POLD3: variants seen among roughly 807,000 people sequenced by gnomAD.
POLD3 encodes the protein DNA polymerase delta subunit 3.
A neutral mutation model predicts 58.2 loss-of-function variants in POLD3; 19 were observed. That is an observed-to-expected ratio of 0.33 (90% CI 0.23 to 0.48). The LOEUF is 0.48. Among genes scored for constraint, POLD3 ranks in the 20% least tolerant of loss-of-function variants. POLD3 has a pLI of 0.99. For missense variants in POLD3, 504 were observed against 545.5 expected (o/e 0.92, Z 0.76); for synonymous variants, 172 against 193.5 (o/e 0.89, Z 0.92).
intron 7 of POLD3, among the ~76,000 whole-genome samples, chr11:74,621,396 C>T (rs1413464149): frequency 6.7e-6 from 1 of 148,860 alleles, no homozygotes; most frequent in African/African-American, 2.4e-5. Context: ...GAAACCACCG[C>T]CCCCGACCCC....
chr11:74,623,203 G>T (rs2032319346), intron 7 of POLD3, among the ~76,000 whole-genome samples: 1 of 152,194 alleles, frequency 6.6e-6, no homozygotes, highest in African/African-American at 2.4e-5. Context: ...GGAGGCCGAG[G>T]CGGGCGGATC....
intron 4 of POLD3, among the ~76,000 whole-genome samples, chr11:74,649,589 G>C (rs889092601): frequency 2.0e-5 from 3 of 152,146 alleles, no homozygotes; most frequent in African/African-American, 7.2e-5. Flanking sequence ...CTAAAATACA[G>C]CAACAGCTAT....
intron 5 of POLD3, among the ~76,000 whole-genome samples, chr11:74,616,024 T>G (rs1428633166): frequency 2.6e-5 from 4 of 152,178 alleles, no homozygotes; most frequent in African/African-American, 9.7e-5. Flanking sequence ...AACACCCTGA[T>G]AAGTTTATTT....
chr11:74,609,022 C>T (rs914135690), intron 3 of POLD3, among the ~76,000 whole-genome samples: 40 of 151,466 alleles, frequency 2.6e-4, no homozygotes, highest in Non-Finnish European at 4.1e-4. Context: ...TTGGTGGTTC[C>T]GAACATTAAC....
chr11:74,597,522 G>T (rs375229831), intron 2 of POLD3, among the ~76,000 whole-genome samples: 17 of 152,138 alleles, frequency 1.1e-4, no homozygotes, highest in African/African-American at 3.4e-4. Flanking sequence ...ATGCAGTGGC[G>T]CAATTTTGGC....
intron 2 of POLD3, among the ~76,000 whole-genome samples, chr11:74,600,400 ATCC>A (rs1385733661): frequency 3.9e-5 from 6 of 152,146 alleles, no homozygotes; most frequent in Non-Finnish European, 8.8e-5. Flanking sequence ...GGCTCAAGCT[ATCC>A]TCCTGCTTCT....
intron 4 of POLD3, among the ~76,000 whole-genome samples, chr11:74,657,912 T>C (rs1415580061): frequency 6.6e-6 from 1 of 152,236 alleles, no homozygotes; most frequent in African/African-American, 2.4e-5. Context: ...AGATATACTA[T>C]TCTAGGGTAA....
At chr11:74,623,204 C>T (rs945670037) in intron 7 of POLD3, among the ~76,000 whole-genome samples, 15 of 152,070 alleles carry the variant, frequency 9.9e-5, no homozygotes, top group African/African-American at 3.4e-4. Context: ...GAGGCCGAGG[C>T]GGGCGGATCA....
intron 2 of POLD3, among the ~76,000 whole-genome samples, chr11:74,599,453 C>G (rs541709809): frequency 1.3e-5 from 2 of 151,868 alleles, no homozygotes; most frequent in East Asian, 3.9e-4. Flanking sequence ...CAACCTCCAC[C>G]TTCCAGGTTC....
At chr11:74,652,685 A>G (rs2033081701) in intron 4 of POLD3, 1 of 152,550 alleles carries the variant, frequency 6.6e-6, no homozygotes, top group Non-Finnish European at 1.5e-5. Context: ...ACTCTATTGT[A>G]TTCTACTAAA....
chr11:74,610,208 T>C (rs972863304), intron 3 of POLD3, among the ~76,000 whole-genome samples: 11 of 142,006 alleles, frequency 7.7e-5, no homozygotes, highest in Non-Finnish European at 1.4e-4. Context: ...CCACTTGCCC[T>C]TTTTTTTTTT....
At chr11:74,647,641 A>G (rs1403142067), downstream of POLD3, among the ~76,000 whole-genome samples, 1 of 152,164 alleles carries the variant, frequency 6.6e-6, no homozygotes, top group African/African-American at 2.4e-5. Context: ...CCCAACAACT[A>G]TGGTGGCTAC....
intron 8 of POLD3, among the ~76,000 whole-genome samples, chr11:74,628,172 G>A (rs574252759): frequency 2.1e-4 from 32 of 151,914 alleles, no homozygotes; most frequent in Non-Finnish European, 4.4e-4. Flanking sequence ...TTTATTCTTC[G>A]AGTTTGTAGA....
chr11:74,655,829 ATAT>A (rs997967007), intron 4 of POLD3, among the ~76,000 whole-genome samples: 29 of 152,216 alleles, frequency 1.9e-4, no homozygotes, highest in Admixed American at 1.3e-4. Flanking sequence ...TGTTCATGCA[ATAT>A]TATTATGTGA....
chr11:74,605,713 G>A (rs571151164), intron 3 of POLD3, among the ~76,000 whole-genome samples: 1 of 152,256 alleles, frequency 6.6e-6, no homozygotes, highest in South Asian at 2.1e-4. Flanking sequence ...AGAATCATAA[G>A]TTCAGAGCCC....
At chr11:74,593,839 A>G (rs1277000745) in intron 1 of POLD3, among the ~76,000 whole-genome samples, 2 of 152,200 alleles carry the variant, frequency 1.3e-5, no homozygotes, top group African/African-American at 4.8e-5. Flanking sequence ...GTCTTTTTAG[A>G]TTACTTTTCA....
At chr11:74,620,924 CT>C (rs11307602) in intron 7 of POLD3, among the ~76,000 whole-genome samples, 40,039 of 143,462 alleles carry the variant, frequency 0.28, 5,683 homozygotes, top group South Asian at 0.43. Context: ...ATTGAAGTGA[CT>C]TTTTTTTTTT....
chr11:74,637,045 G>A (rs1011773792), intron 11 of POLD3, among the ~76,000 whole-genome samples: 6 of 152,124 alleles, frequency 3.9e-5, no homozygotes, highest in Non-Finnish European at 8.8e-5. Context: ...AAGAGTTGTG[G>A]GTTTAGGCTC....
At chr11:74,609,344 TGATATATATATATATATATATATATA>T (rs1289256625) in intron 3 of POLD3, among the ~76,000 whole-genome samples, 6 of 65,004 alleles carry the variant, frequency 9.2e-5, no homozygotes, top group African/African-American at 4.2e-4. Context: ...CCATTGTTTT[TGATATATATATATATATATATATATA>T]TATTTTTTTT....
Sources: allele counts gnomAD v4.1 joint callset (sites outside exome capture counted in the v4.1 genomes callset), GRCh38; gene constraint gnomAD v4.1.1; transcripts MANE v1.5; gene names NCBI Gene and HGNC (gene_info 2026-07-23, HGNC 2026-07-21).